Variants in DENND2B observed in about 807,000 individuals in gnomAD.
DENND2B encodes the protein DENN domain-containing protein 2B.
In DENND2B, 32 loss-of-function variants were observed where a neutral mutation model predicts 116.0. The observed-to-expected ratio is 0.28, with a 90% CI of 0.21 to 0.37. DENND2B has a LOEUF of 0.37. Among genes scored for constraint, DENND2B ranks in the 10% least tolerant of loss-of-function variants. The pLI is 1.00. For synonymous variants in DENND2B, 588 were observed against 583.9 expected, an observed-to-expected ratio of 1.01 and a Z score of -0.10; for missense variants, 1,276 against 1,477.7, an observed-to-expected ratio of 0.86 and a Z score of 2.24.
At chr11:8,765,734 T>G (rs2055601842) in intron 1 of DENND2B, among the ~76,000 whole-genome samples, 1 of 152,130 alleles carries the variant, frequency 6.6e-6, no homozygotes, top group Non-Finnish European at 1.5e-5. Flanking sequence ...ATATAAATAC[T>G]CAATTGTTTA....
At chr11:8,798,261 A>C (rs3763917) in intron 1 of DENND2B, among the ~76,000 whole-genome samples, 34,233 of 152,174 alleles carry the variant, frequency 0.22, 4,089 homozygotes, top group South Asian at 0.33. Flanking sequence ...AACAGAAGGA[A>C]TGCTCCATAA....
rs184691289 is a variant in DENND2B at position 8,821,414 on chromosome 11, T to G, written c.-114-10079A>C. 7.3e-5 allele frequency among the ~76,000 whole-genome samples: 10 copies of G among 137,642 alleles called. No homozygotes were observed. The East Asian group carries it at 2.1e-3, about 30-fold the overall frequency. The allele number at this position is 137,642 out of a possible 152,430, so 90.3% of individuals were successfully genotyped here. On this transcript the variant is annotated intron_variant, in intron 4 of 6. Transcript: ENST00000524757. The stretch of plus-strand genomic sequence containing the variant: ...GACCAGCCTGGGCAACATAGAGACC[T>G]TGTCTCTACCAAAAATAAAAAAAAA...
At chr11:8,891,294 T>C (rs966293241) in intron 1 of DENND2B, among the ~76,000 whole-genome samples, 2 of 152,144 alleles carry the variant, frequency 1.3e-5, no homozygotes, top group Non-Finnish European at 2.9e-5. Context: ...ACATGCCAAA[T>C]TGTAAAGACC....
intron 15 of DENND2B, 25 bp from the exon 16 acceptor site, chr11:8,698,999 G>A (rs770547237): frequency 5.0e-6 from 8 of 1,613,792 alleles, no homozygotes; most frequent in Admixed American, 1.7e-5. Context: ...CATTAGCAGA[G>A]TGGCTCAGGG....
chr11:8,797,062 T>C (rs1219375169), intron 1 of DENND2B, among the ~76,000 whole-genome samples: 1 of 152,354 alleles, frequency 6.6e-6, no homozygotes, highest in South Asian at 2.1e-4. Flanking sequence ...GAGCTGCATT[T>C]GATATACCAA....
At chr11:8,793,802 C>T (rs2059586872) in intron 1 of DENND2B, among the ~76,000 whole-genome samples, 1 of 152,158 alleles carries the variant, frequency 6.6e-6, no homozygotes, top group Non-Finnish European at 1.5e-5. Context: ...AGCAGCTGCA[C>T]CGCTAACACT....
At chr11:8,731,272 T>C (rs1447060519) in intron 2 of DENND2B, 63 bp from the exon 3 acceptor site, 1 of 1,394,874 alleles carries the variant, frequency 7.2e-7, no homozygotes, top group African/African-American at 1.5e-5. Context: ...GACCAACCAG[T>C]GGCATCCTGT....
rs369854002 is a variant in DENND2B, at chr11:8,752,491, G to A, written c.-25-1766C>T. Reference sequence around the variant, plus strand: ...GAAAAAAACTTAAGCAAGGTAGAGGGAAAGAGAGTGGTGAAGAGGGTATCT... The same window carrying A: ...GAAAAAAACTTAAGCAAGGTAGAGGAAAAGAGAGTGGTGAAGAGGGTATCT... On this transcript the variant is annotated intron_variant, in intron 1 of 19. Coordinates refer to ENST00000313726, the MANE Select transcript of DENND2B (RefSeq NM_213618.2). Among the ~76,000 whole-genome samples, 60 of 152,108 alleles carry A rather than the reference G, an allele frequency of 3.9e-4. 1 individual carries two copies. Among genetic ancestry groups the A allele is most frequent in the African/African-American group, 7.2e-4 (30 of 41,530 alleles).
intron 2 of DENND2B, among the ~76,000 whole-genome samples, chr11:8,858,808 T>C (rs1234975691): frequency 6.6e-6 from 1 of 152,138 alleles, no homozygotes; most frequent in Non-Finnish European, 1.5e-5. Flanking sequence ...TTATAAGCTG[T>C]GTGAGCTCAA....
At chr11:8,862,504 T>C (rs2063431116) in intron 2 of DENND2B, among the ~76,000 whole-genome samples, 1 of 151,952 alleles carries the variant, frequency 6.6e-6, no homozygotes, top group Non-Finnish European at 1.5e-5. Flanking sequence ...CTGGCTAATT[T>C]TTCTAATTTT....
intron 1 of DENND2B, among the ~76,000 whole-genome samples, chr11:8,766,187 A>G (rs537218005): frequency 3.9e-5 from 6 of 152,178 alleles, no homozygotes; most frequent in Non-Finnish European, 7.4e-5. Flanking sequence ...TCATGGAGCC[A>G]AGAGGAGTTC....
chr11:8,757,976 G>A (rs1333348476), intron 1 of DENND2B, among the ~76,000 whole-genome samples: 1 of 152,218 alleles, frequency 6.6e-6, no homozygotes, highest in Non-Finnish European at 1.5e-5. Flanking sequence ...TGAAGGAACA[G>A]AGCAGGAATG....
intron 1 of DENND2B, among the ~76,000 whole-genome samples, chr11:8,752,451 C>CA (rs34736915): frequency 0.29 from 41,556 of 141,980 alleles, 6,134 homozygotes; most frequent in Middle Eastern, 0.45. Flanking sequence ...GATTCTGTCT[C>CA]AAAAAAAAAA....
upstream of DENND2B, among the ~76,000 whole-genome samples, chr11:8,814,628 T>C (rs974914134): frequency 6.6e-6 from 1 of 152,212 alleles, no homozygotes; most frequent in Non-Finnish European, 1.5e-5. Flanking sequence ...CCCACACTTA[T>C]CCTTCAGAGC....
At chr11:8,807,762 C>A (rs1402072769) in intron 1 of DENND2B, 1 of 152,198 alleles carries the variant, frequency 6.6e-6, no homozygotes, top group African/African-American at 2.4e-5. Context: ...AAGCTGTGGG[C>A]AGCTTCTCCT....
intron 4 of DENND2B, among the ~76,000 whole-genome samples, chr11:8,835,895 T>C (rs1349865656): frequency 1.3e-5 from 2 of 152,118 alleles, no homozygotes; most frequent in African/African-American, 4.8e-5. Context: ...CACTGCCTGT[T>C]CTCCTGAGCT....
upstream of DENND2B, chr11:8,871,411 A>G (rs2063780021): frequency 6.6e-6 from 1 of 152,198 alleles, no homozygotes; most frequent in African/African-American, 2.4e-5. Context: ...TCATTTTCTC[A>G]TACACACGTG....
At chr11:8,776,317 C>T (rs2057725709) in intron 1 of DENND2B, 1 of 443,220 alleles carries the variant, frequency 2.3e-6, no homozygotes, top group South Asian at 1.6e-5. Flanking sequence ...TATCCAACTC[C>T]TAGTATGCTC....
At chr11:8,824,599 C>T (rs1293566801) in intron 4 of DENND2B, among the ~76,000 whole-genome samples, 1 of 152,064 alleles carries the variant, frequency 6.6e-6, no homozygotes, top group Non-Finnish European at 1.5e-5. Flanking sequence ...CAGTCTACTG[C>T]GATGGGCATT....
Sources: allele counts gnomAD v4.1 joint callset (sites outside exome capture counted in the v4.1 genomes callset), GRCh38; gene constraint gnomAD v4.1.1; transcripts MANE v1.5; gene names NCBI Gene and HGNC (gene_info 2026-07-23, HGNC 2026-07-21).